Variants in CHCHD3 observed in about 807,000 individuals in gnomAD.
CHCHD3 encodes coiled-coil-helix-coiled-coil-helix domain containing 3.
A neutral mutation model predicts 38.2 loss-of-function variants in CHCHD3; 20 were observed. The observed-to-expected ratio is 0.52, with a 90% CI of 0.37 to 0.76. CHCHD3 has a LOEUF of 0.76. CHCHD3 is among the 30% of genes least tolerant of loss of function. CHCHD3 has a pLI of 0.00. For missense variants in CHCHD3, 245 were observed against 279.2 expected (o/e 0.88, Z 0.87); for synonymous variants, 82 against 100.0 (o/e 0.82, Z 1.07).
In CHCHD3 at chr7:133,035,768, G is replaced by T. The variant is rs2117470419; in HGVS notation, c.170-11141C>A. The T allele has an allele frequency of 6.2e-7, 1 of 1,613,302 alleles. No individual in the cohort carries two copies. Among genetic ancestry groups the T allele is most frequent in the Non-Finnish European group, 8.5e-7 (1 of 1,179,338 alleles). The stretch of plus-strand genomic sequence containing the variant: ...CTGGGACCTTGCCGGCAGGAAATTT[G>T]CGAAGAAATTCAGAGGTGCGGTTGG... On this transcript the variant is annotated intron_variant, in intron 2 of 7. Coordinates refer to ENST00000262570, the MANE Select transcript of CHCHD3 (RefSeq NM_017812.4). The surrounding 1 kb of genome is among the most constrained non-coding windows in gnomAD (Gnocchi z 4.7).
At chr7:133,032,557 T>C (rs1182574062) in intron 2 of CHCHD3, among the ~76,000 whole-genome samples, 1 of 152,228 alleles carries the variant, frequency 6.6e-6, no homozygotes, top group East Asian at 1.9e-4. Context: ...GTTCATTTTA[T>C]TGTTTGCTTC....
At chr7:133,058,034 G>A (rs896865781) in intron 2 of CHCHD3, among the ~76,000 whole-genome samples, 2 of 152,050 alleles carry the variant, frequency 1.3e-5, no homozygotes, top group African/African-American at 2.4e-5. Flanking sequence ...CAGATTCCCA[G>A]AGAAGACAAC....
At chr7:132,923,864 G>A (rs1341558471) in intron 4 of CHCHD3, among the ~76,000 whole-genome samples, 1 of 152,138 alleles carries the variant, frequency 6.6e-6, no homozygotes, top group East Asian at 1.9e-4. Context: ...ACTTGATTTA[G>A]AGAAGGAATG....
In CHCHD3 at chr7:132,961,874, T is replaced by C. The variant is rs373707663; in HGVS notation, c.369+13295A>G. ...TAGATTCCACATATAAGTGAGAACA[T>C]ACAGTGTTTGTTTTTCTGTATCTCA... is the stretch of plus-strand genomic sequence containing the variant. On this transcript the variant is annotated intron_variant, in intron 4 of 7. Coordinates refer to ENST00000262570, the MANE Select transcript of CHCHD3 (RefSeq NM_017812.4). Among the ~76,000 whole-genome samples, 8 of 152,364 alleles carry C rather than the reference T, an allele frequency of 5.3e-5. No individual in the cohort carries two copies. The East Asian group carries it at 1.4e-3, about 26-fold the overall frequency.
chr7:133,010,224 A>G (rs112348927), intron 3 of CHCHD3, among the ~76,000 whole-genome samples: 3 of 152,234 alleles, frequency 2.0e-5, no homozygotes, highest in African/African-American at 4.8e-5. Flanking sequence ...ACCACATCCA[A>G]TTGCTCCTCA....
chr7:132,901,336 A>G (rs960618838), intron 4 of CHCHD3, among the ~76,000 whole-genome samples: 9 of 152,256 alleles, frequency 5.9e-5, no homozygotes, highest in African/African-American at 2.2e-4. Flanking sequence ...CGCTCAAAGC[A>G]CGAGTCATCT....
At position 132,985,845 on chromosome 7, in the gene CHCHD3, C is replaced by G. The variant is rs113173923; in HGVS notation, c.252-10559G>C. 3.0e-3 allele frequency among the ~76,000 whole-genome samples: 324 copies of G among 107,958 alleles called. 11 individuals are homozygous for G. Among genetic ancestry groups the G allele is most frequent in the Non-Finnish European group, 5.1e-3 (248 of 48,306 alleles). The allele number at this position is 107,958 out of a possible 152,430, so 70.8% of individuals were successfully genotyped here. A position where few individuals can be genotyped will look rare whatever the true frequency, so the allele number is the denominator to read the frequency against. ...GAGGTGAGGGGCGCCTCTGCCCGGC[C>G]GCCCCTACTGGGAAGTGAGGAGCCC... On this transcript the variant is annotated intron_variant, in intron 3 of 7. Coordinates refer to ENST00000262570, the MANE Select transcript of CHCHD3 (RefSeq NM_017812.4).
intron 6 of CHCHD3, among the ~76,000 whole-genome samples, chr7:132,808,456 G>A (rs1585532724): frequency 6.6e-6 from 1 of 152,032 alleles, no homozygotes; most frequent in South Asian, 2.1e-4. Context: ...AATGGATTTC[G>A]AGTCTCTTCA....
At chr7:133,038,834 A>G (rs1231070023) in intron 2 of CHCHD3, among the ~76,000 whole-genome samples, 7 of 152,254 alleles carry the variant, frequency 4.6e-5, no homozygotes, top group African/African-American at 1.7e-4. Flanking sequence ...ATCACTCTAT[A>G]AATTGTCCAC....
intron 2 of CHCHD3, among the ~76,000 whole-genome samples, chr7:133,038,887 T>C (rs1347238639): frequency 2.0e-5 from 3 of 152,380 alleles, no homozygotes; most frequent in East Asian, 1.9e-4. Flanking sequence ...TTCCATACAA[T>C]TGAAAATATA....
At chr7:132,808,347 T>C (rs1022825470) in intron 6 of CHCHD3, among the ~76,000 whole-genome samples, 1 of 152,200 alleles carries the variant, frequency 6.6e-6, no homozygotes, top group African/African-American at 2.4e-5. Flanking sequence ...TATAAGTAAT[T>C]CCCAAAGCTC....
At chr7:132,794,180 C>T (rs952974744) in intron 7 of CHCHD3, among the ~76,000 whole-genome samples, 1 of 152,244 alleles carries the variant, frequency 6.6e-6, no homozygotes, top group Admixed American at 6.5e-5. Context: ...CTCCCTTTAT[C>T]GCTTTCGCTC....
chr7:132,837,256 A>T (rs906633363), intron 6 of CHCHD3, among the ~76,000 whole-genome samples: 1 of 152,082 alleles, frequency 6.6e-6, no homozygotes, highest in Admixed American at 6.6e-5. Context: ...TTTACCACCT[A>T]AAAAAAAGTC....
chr7:132,813,800 GGCT>G (rs1807134255), intron 6 of CHCHD3, among the ~76,000 whole-genome samples: 2 of 152,120 alleles, frequency 1.3e-5, no homozygotes, highest in South Asian at 4.1e-4. Flanking sequence ...GAAAGAGGAG[GGCT>G]GCTGCATGTG....
intron 4 of CHCHD3, chr7:132,972,690 C>T: frequency 7.1e-6 from 7 of 985,446 alleles, no homozygotes; most frequent in Non-Finnish European, 8.4e-6. Flanking sequence ...AAGGAAGGGA[C>T]TCTCTCAATC....
At chr7:133,040,989 G>C (rs1287538187) in intron 2 of CHCHD3, among the ~76,000 whole-genome samples, 1 of 152,146 alleles carries the variant, frequency 6.6e-6, no homozygotes, top group South Asian at 2.1e-4. Flanking sequence ...AGATCACCTC[G>C]AGTGTCCCTG....
intron 1 of CHCHD3, among the ~76,000 whole-genome samples, chr7:133,075,973 C>T (rs1318305111): frequency 6.8e-6 from 1 of 146,434 alleles, no homozygotes; most frequent in Non-Finnish European, 1.5e-5. Context: ...GTAGGAAAAT[C>T]GCTTGAACCC....
intron 5 of CHCHD3, among the ~76,000 whole-genome samples, chr7:132,871,727 G>C (rs1808770818): frequency 6.6e-6 from 1 of 152,116 alleles, no homozygotes; most frequent in Non-Finnish European, 1.5e-5. Context: ...GTGATGAGAT[G>C]TTACAGGTAA....
At chr7:132,993,128 ATCCTTAGAGT>A (rs767837135) in intron 3 of CHCHD3, among the ~76,000 whole-genome samples, 20 of 152,158 alleles carry the variant, frequency 1.3e-4, no homozygotes, top group Non-Finnish European at 2.4e-4. Context: ...CTTTCTCTTT[ATCCTTAGAGT>A]TCTGAAATTT....
Sources: allele counts gnomAD v4.1 joint callset (sites outside exome capture counted in the v4.1 genomes callset), GRCh38; gene constraint gnomAD v4.1.1; non-coding constraint Gnocchi (gnomAD v3.1); transcripts MANE v1.5; gene names NCBI Gene and HGNC (gene_info 2026-07-23, HGNC 2026-07-21).